The following PHACTR3 variants were observed in gnomAD, a reference collection of about 807,000 sequenced individuals.
PHACTR3 encodes phosphatase and actin regulator 3.
PHACTR3 carries 16 observed loss-of-function variants against 66.8 expected under a neutral mutation model. The observed-to-expected ratio is 0.24, with a 90% CI of 0.16 to 0.36. The LOEUF is 0.36. PHACTR3 is among the 10% of genes least tolerant of loss of function. The pLI is 1.00. For synonymous variants in PHACTR3, 323 were observed against 292.1 expected (o/e 1.11, Z -1.08); for missense variants, 647 against 719.9 (o/e 0.90, Z 1.16).
chr20:59,719,606 T>C (rs1405301528), intron 1 of PHACTR3, among the ~76,000 whole-genome samples: 1 of 152,158 alleles, frequency 6.6e-6, no homozygotes, highest in African/African-American at 2.4e-5. Flanking sequence ...CCCAGGGCAA[T>C]GGTAGCATGG....
chr20:59,750,936 A>G (rs889944650), intron 3 of PHACTR3, among the ~76,000 whole-genome samples: 9 of 152,186 alleles, frequency 5.9e-5, no homozygotes, highest in African/African-American at 2.2e-4. Flanking sequence ...ACTAGCTTCA[A>G]AAATGTCTTT....
intron 1 of PHACTR3, among the ~76,000 whole-genome samples, chr20:59,578,002 C>T (rs1306207715): frequency 1.3e-5 from 2 of 152,246 alleles, no homozygotes; most frequent in Non-Finnish European, 2.9e-5. Context: ...GTCTTGGGGG[C>T]AGCAGTTGGG....
chr20:59,695,746 T>TA (rs397740000), intron 1 of PHACTR3, among the ~76,000 whole-genome samples: 18 of 151,876 alleles, frequency 1.2e-4, no homozygotes, highest in African/African-American at 4.4e-4. Context: ...TTTTTTTTTT[T>TA]ATTTGAGATG....
Position 59,829,430 on chromosome 20 carries a change from C to T in PHACTR3, c.1329-7075C>T, listed in dbSNP as rs2042283673. On this transcript the variant is annotated intron_variant, in intron 8 of 12. Coordinates refer to ENST00000371015, the MANE Select transcript of PHACTR3 (RefSeq NM_080672.5). This position sits in a 1 kb window ranked among gnomAD's most constrained non-coding sequence, Gnocchi z 4.2. ...AGAGTCCTCTTCTCTTCCTGAACTT[C>T]TCTCCAGACACACCCACATTGCTCT... Among the ~76,000 whole-genome samples the T allele has an allele frequency of 6.6e-6, 1 of 152,240 alleles. No individual in the cohort carries two copies. Among genetic ancestry groups the T allele is most frequent in the African/African-American group, 2.4e-5 (1 of 41,462 alleles).
At chr20:59,684,475 G>A (rs1348934290) in intron 1 of PHACTR3, among the ~76,000 whole-genome samples, 1 of 152,150 alleles carries the variant, frequency 6.6e-6, no homozygotes. Context: ...TCTGGAGACA[G>A]GCAAGGATGC....
At chr20:59,842,063 G>A (rs1219950405) in intron 11 of PHACTR3, among the ~76,000 whole-genome samples, 1 of 152,128 alleles carries the variant, frequency 6.6e-6, no homozygotes, top group Non-Finnish European at 1.5e-5. Flanking sequence ...GCAGTTTGAG[G>A]TATCTCTGAG....
At chr20:59,750,573 A>G (rs560700182) in intron 3 of PHACTR3, among the ~76,000 whole-genome samples, 1 of 152,148 alleles carries the variant, frequency 6.6e-6, no homozygotes, top group South Asian at 2.1e-4. Flanking sequence ...GGAAAGGGAG[A>G]GGGGCTTGGG....
chr20:59,764,850 A>C (rs1568795220), intron 4 of PHACTR3, among the ~76,000 whole-genome samples: 1 of 151,934 alleles, frequency 6.6e-6, no homozygotes, highest in African/African-American at 2.4e-5. Flanking sequence ...AAGGGGTGGG[A>C]CCCCCCCAGG....
chr20:59,720,298 A>G (rs951317092), intron 1 of PHACTR3, among the ~76,000 whole-genome samples: 1 of 152,176 alleles, frequency 6.6e-6, no homozygotes, highest in Non-Finnish European at 1.5e-5. Context: ...TCCATAATAC[A>G]TGATCAATAA....
chr20:59,685,168 G>C (rs2036815946), intron 1 of PHACTR3, among the ~76,000 whole-genome samples: 1 of 152,210 alleles, frequency 6.6e-6, no homozygotes, highest in Non-Finnish European at 1.5e-5. Context: ...CTGGGCCCCT[G>C]CTTCTGCCCT....
intron 7 of PHACTR3, among the ~76,000 whole-genome samples, chr20:59,800,815 T>C (rs369684449): frequency 6.6e-6 from 1 of 152,194 alleles, no homozygotes; most frequent in African/African-American, 2.4e-5. Context: ...TTGAAAATAG[T>C]CTAATTCATG....
Position 59,847,288 on chromosome 20 carries a change from C to T in PHACTR3, c.*158C>T, listed in dbSNP as rs1240276444. ...ACAGGTGCAATCTTGACCACACTTA[C>T]CTGCAAGAGGAGTAACCAGAGGACA... On this transcript the variant is annotated 3_prime_UTR_variant, in exon 13 of 13. Transcript: ENST00000371015. 1 of 506,740 alleles carries T rather than the reference C, an allele frequency of 2.0e-6. No homozygotes were observed. The highest frequency in any genetic ancestry group is 1.9e-5 in the African/African-American group (1 of 53,276). The allele number at this position is 506,740 out of a possible 1,614,324, so 31.4% of individuals were successfully genotyped here.
At chr20:59,650,385 G>T (rs976418436) in intron 1 of PHACTR3, among the ~76,000 whole-genome samples, 3 of 151,972 alleles carry the variant, frequency 2.0e-5, no homozygotes, top group East Asian at 1.9e-4. Flanking sequence ...GTTCTCGTTG[G>T]GGGGAGGGCG....
chr20:59,845,989 C>T (rs1332471869), intron 12 of PHACTR3, among the ~76,000 whole-genome samples: 1 of 152,040 alleles, frequency 6.6e-6, no homozygotes, highest in Non-Finnish European at 1.5e-5. Context: ...CAGTATTTCC[C>T]CCCACTTCTT....
At chr20:59,666,812 C>G (rs12480955) in intron 1 of PHACTR3, among the ~76,000 whole-genome samples, 2,098 of 152,322 alleles carry the variant, frequency 0.014, 93 homozygotes, top group Admixed American at 0.092. Context: ...GCTCGCGGTC[C>G]AGGTCCTGAG....
At chr20:59,671,139 C>T (rs2036183982) in intron 1 of PHACTR3, among the ~76,000 whole-genome samples, 1 of 152,124 alleles carries the variant, frequency 6.6e-6, no homozygotes, top group Admixed American at 6.5e-5. Context: ...AGCATCAATT[C>T]CTGTCATGGA....
chr20:59,682,922 C>T (rs553398799), intron 1 of PHACTR3, among the ~76,000 whole-genome samples: 6 of 152,008 alleles, frequency 3.9e-5, no homozygotes, highest in East Asian at 3.9e-4. Flanking sequence ...TGTGACGGGT[C>T]GGGGGGGACA....
rs571426614 is a variant in PHACTR3 at position 59,579,117 on chromosome 20, G to A, written c.109+1500G>A. 1.8e-3 allele frequency among the ~76,000 whole-genome samples: 274 copies of A among 152,336 alleles called. 1 individual carries two copies. The highest frequency in any genetic ancestry group is 2.8e-3 in the Non-Finnish European group (191 of 68,038). ...TACTAAGAACAGTGGGGCATATTCT[G>A]GGTTGGATTTTGGGAAAGGGCGTTC... is the stretch of plus-strand genomic sequence containing the variant. On this transcript the variant is annotated intron_variant, in intron 1 of 12. Coordinates refer to the PHACTR3 transcript ENST00000359926.
chr20:59,674,789 C>CCCTTCTCCTCTTCCCA (rs1263829693), intron 1 of PHACTR3, among the ~76,000 whole-genome samples: 8 of 60,644 alleles, frequency 1.3e-4, no homozygotes, highest in Admixed American at 3.7e-4. Flanking sequence ...TCTGTTTCCC[C>CCCTTCTCCTCTTCCCA]CCTTCTCCTC....
Sources: gnomAD v4.1 joint callset for allele counts (sites outside exome capture counted in the v4.1 genomes callset) on GRCh38, gnomAD v4.1.1 for gene constraint, Gnocchi (gnomAD v3.1) non-coding constraint, MANE v1.5 for transcripts, NCBI Gene and HGNC (gene_info 2026-07-23, HGNC 2026-07-21) for gene names.